CAST: variants seen among roughly 807,000 people sequenced by gnomAD.
CAST encodes the protein calpastatin.
CAST carries 76 observed loss-of-function variants against 119.6 expected under a neutral mutation model. The observed-to-expected ratio is 0.64, with a 90% CI of 0.53 to 0.77. The LOEUF is 0.77. Among genes scored for constraint, CAST ranks in the 30% least tolerant of loss-of-function variants. CAST has a pLI of 0.00. For synonymous variants in CAST, 319 were observed against 331.6 expected (o/e 0.96, Z 0.41); for missense variants, 953 against 946.5 (o/e 1.01, Z -0.09).
At chr5:96,357,939 G>A in the CAST span, among the ~76,000 whole-genome samples, 18 of 152,218 alleles carry the variant, frequency 1.2e-4, no homozygotes, top group African/African-American at 3.1e-4. Context: ...GGTAGAATTC[G>A]GCTGTGAATC....
chr5:95,982,768 A>G, the CAST span, among the ~76,000 whole-genome samples: 4 of 152,234 alleles, frequency 2.6e-5, no homozygotes, highest in African/African-American at 7.2e-5. Context: ...ATTTTTAAAG[A>G]TAAAGGTTCT....
the CAST span, among the ~76,000 whole-genome samples, chr5:96,491,490 C>CAAAAAAAAAAAAAAAA: frequency 1.6e-4 from 9 of 56,788 alleles, no homozygotes; most frequent in Non-Finnish European, 1.8e-4. Context: ...GACTCCATCT[C>CAAAAAAAAAAAAAAAA]AAAAAAAAAA....
At chr5:96,001,610 C>T in the CAST span, among the ~76,000 whole-genome samples, 77 of 152,312 alleles carry the variant, frequency 5.1e-4, no homozygotes, top group African/African-American at 1.8e-3. Context: ...ATCCAATTCT[C>T]TTTATTGTAT....
At chr5:96,364,265 G>C in the CAST span, among the ~76,000 whole-genome samples, 1 of 152,186 alleles carries the variant, frequency 6.6e-6, no homozygotes, top group Admixed American at 6.5e-5. Context: ...TTGCATCGAT[G>C]TTCATCAGGG....
intron 22 of CAST, among the ~76,000 whole-genome samples, chr5:96,756,066 T>TA (rs1160122459): frequency 2.6e-5 from 4 of 152,214 alleles, no homozygotes; most frequent in Non-Finnish European, 5.9e-5. Context: ...TCCTCTGACT[T>TA]ACCTCACACG....
the CAST span, among the ~76,000 whole-genome samples, chr5:95,999,093 C>T: frequency 6.6e-6 from 1 of 151,976 alleles, no homozygotes; most frequent in Non-Finnish European, 1.5e-5. Context: ...AGTTTAAGAA[C>T]ATTTTTATTC....
At chr5:96,234,741 A>C in the CAST span, among the ~76,000 whole-genome samples, 1 of 152,180 alleles carries the variant, frequency 6.6e-6, no homozygotes, top group African/African-American at 2.4e-5. Flanking sequence ...TGGATGTTCC[A>C]TCCAGCAGAC....
At chr5:96,381,105 GT>G in the CAST span, among the ~76,000 whole-genome samples, 1 of 152,076 alleles carries the variant, frequency 6.6e-6, no homozygotes, top group Non-Finnish European at 1.5e-5. Context: ...ATTGCAGCAG[GT>G]TGAATGCTGA....
At chr5:96,494,291 A>T in the CAST span, among the ~76,000 whole-genome samples, 3 of 152,236 alleles carry the variant, frequency 2.0e-5, no homozygotes, top group Non-Finnish European at 4.4e-5. Context: ...ACCCCTCCTT[A>T]TCCATAACTT....
the CAST span, among the ~76,000 whole-genome samples, chr5:96,161,577 T>G: frequency 6.6e-6 from 1 of 152,178 alleles, no homozygotes; most frequent in African/African-American, 2.4e-5. Flanking sequence ...AGTCCTACTT[T>G]GTTCTTTTTC....
chr5:96,532,262 C>T (rs1580812644), intron 1 of CAST, among the ~76,000 whole-genome samples: 1 of 152,140 alleles, frequency 6.6e-6, no homozygotes, highest in Non-Finnish European at 1.5e-5. Context: ...AAAGGGCCTA[C>T]TGAGGGCTTA....
At chr5:96,294,950 A>G in the CAST span, among the ~76,000 whole-genome samples, 3 of 152,222 alleles carry the variant, frequency 2.0e-5, no homozygotes, top group African/African-American at 4.8e-5. Flanking sequence ...TACCCAGGCT[A>G]CTGGGCACAT....
the CAST span, among the ~76,000 whole-genome samples, chr5:96,311,791 A>T: frequency 6.6e-6 from 1 of 151,968 alleles, no homozygotes; most frequent in African/African-American, 2.4e-5. Flanking sequence ...CTTTCATCTA[A>T]GTATGTCCTT....
At chr5:96,392,012 T>C in the CAST span, 1 of 152,180 alleles carries the variant, frequency 6.6e-6, no homozygotes, top group East Asian at 1.9e-4. Flanking sequence ...GAACACGCTG[T>C]TCTAATGAAC....
chr5:96,476,251 C>T, the CAST span, among the ~76,000 whole-genome samples: 1 of 152,128 alleles, frequency 6.6e-6, no homozygotes, highest in African/African-American at 2.4e-5. Flanking sequence ...TAATATACAG[C>T]TACATTTTCC....
At chr5:96,403,201 TTATC>T in the CAST span, among the ~76,000 whole-genome samples, 9 of 152,214 alleles carry the variant, frequency 5.9e-5, no homozygotes, top group East Asian at 1.9e-4. Context: ...AAAATTTCCT[TTATC>T]TAGTCTCTGC....
the CAST span, among the ~76,000 whole-genome samples, chr5:96,309,651 G>A: frequency 3.9e-5 from 6 of 152,286 alleles, no homozygotes; most frequent in East Asian, 7.7e-4. Flanking sequence ...TATCTGAGCC[G>A]GAGTGTACTG....
intron 1 of CAST, among the ~76,000 whole-genome samples, chr5:96,582,328 A>G (rs1561422401): frequency 6.6e-6 from 1 of 152,228 alleles, no homozygotes; most frequent in Non-Finnish European, 1.5e-5. Flanking sequence ...AAGCTATTTC[A>G]TTTAGATACA....
the CAST span, among the ~76,000 whole-genome samples, chr5:96,139,424 C>T: frequency 6.6e-6 from 1 of 150,982 alleles, no homozygotes. Context: ...AAAATTTAAC[C>T]TCTCTGAGTT....
Sources: allele counts gnomAD v4.1 joint callset (sites outside exome capture counted in the v4.1 genomes callset), GRCh38; gene constraint gnomAD v4.1.1; transcripts MANE v1.5; gene names NCBI Gene and HGNC (gene_info 2026-07-23, HGNC 2026-07-21).